The following ZCCHC10 variants were observed in gnomAD, a reference collection of about 807,000 sequenced individuals.
ZCCHC10 encodes the protein zinc finger CCHC-type containing 10, also known as zinc finger CCHC domain-containing protein 10.
In ZCCHC10, 16 loss-of-function variants were observed where a neutral mutation model predicts 19.5. The observed-to-expected ratio is 0.82, with a 90% CI of 0.56 to 1.25. ZCCHC10 has a LOEUF of 1.25. Ranked by LOEUF, ZCCHC10 falls within the 50% of genes most tolerant of loss-of-function variation. ZCCHC10 has a pLI of 0.00. For missense variants in ZCCHC10, 197 were observed against 201.0 expected, an observed-to-expected ratio of 0.98 and a Z score of 0.12; for synonymous variants, 67 against 72.5, an observed-to-expected ratio of 0.92 and a Z score of 0.38.
intron 3 of ZCCHC10, chr5:133,003,288 G>A (rs1415836208): frequency 4.4e-6 from 2 of 457,118 alleles, no homozygotes; most frequent in South Asian, 1.7e-5. Flanking sequence ...GAACAAACTG[G>A]GTCCCAATGA....
intron 2 of ZCCHC10, among the ~76,000 whole-genome samples, chr5:133,022,262 A>G (rs1300846312): frequency 6.6e-6 from 1 of 152,018 alleles, no homozygotes; most frequent in Non-Finnish European, 1.5e-5. Context: ...TTTGTAAAAA[A>G]CTAAGACACA....
chr5:133,026,173 C>A (rs1164438918), intron 1 of ZCCHC10, among the ~76,000 whole-genome samples: 2 of 152,176 alleles, frequency 1.3e-5, no homozygotes, highest in Non-Finnish European at 2.9e-5. Context: ...CTTCAGGGCT[C>A]CCCTGTCCAC....
chr5:132,998,329 T>C lies in ZCCHC10; in HGVS notation c.*254A>G, dbSNP rs1026173004. On this transcript the variant is annotated 3_prime_UTR_variant, in exon 5 of 5. Transcript: ENST00000509437. ...AGATAGTTTCATCACACAAACAGAT[T>C]TGCAGATTTCAGCTTTAAGTTCTAG... 3.1e-5 allele frequency: 11 copies of C among 352,020 alleles called. No homozygotes were observed. In the East Asian group the frequency reaches 4.0e-4, roughly 13 times the overall value. The allele number at this position is 352,020 out of a possible 1,614,324, so 21.8% of individuals were successfully genotyped here.
chr5:133,022,944 TG>T, intron 1 of ZCCHC10, 38 bp from the exon 2 acceptor site: 1 of 504,988 alleles, frequency 2.0e-6, no homozygotes, highest in Non-Finnish European at 3.5e-6. Flanking sequence ...AAGGTAAGTC[TG>T]ACACTTAAGT....
chr5:133,005,054 C>T (rs1763021306), intron 3 of ZCCHC10, among the ~76,000 whole-genome samples: 1 of 151,998 alleles, frequency 6.6e-6, no homozygotes, highest in Admixed American at 6.6e-5. Flanking sequence ...AATCCCAGCA[C>T]TTTGGGAGGC....
At chr5:133,023,504 G>T (rs1351995515) in intron 1 of ZCCHC10, among the ~76,000 whole-genome samples, 2 of 148,502 alleles carry the variant, frequency 1.3e-5, no homozygotes, top group East Asian at 3.9e-4. Flanking sequence ...GCCAGGTGCG[G>T]TGGCTCACAC....
chr5:133,021,889 G>C (rs981755432), intron 2 of ZCCHC10, among the ~76,000 whole-genome samples: 1 of 151,736 alleles, frequency 6.6e-6, no homozygotes, highest in African/African-American at 2.4e-5. Flanking sequence ...CGCCTCCCAG[G>C]TTATAGTGAT....
chr5:133,001,327 G>T (rs1436635894), intron 3 of ZCCHC10, among the ~76,000 whole-genome samples: 1 of 151,968 alleles, frequency 6.6e-6, no homozygotes, highest in African/African-American at 2.4e-5. Flanking sequence ...GGAGGCAGAG[G>T]TTGCAGTGAG....
Position 133,026,516 on chromosome 5 carries a change from G to C in ZCCHC10, c.22C>G (p.Leu8Val). The C allele has an allele frequency of 1.2e-6, 2 of 1,613,848 alleles. No homozygotes were observed. Among genetic ancestry groups the C allele is most frequent in the South Asian group, 1.1e-5 (1 of 90,980 alleles). MATPMHR[L>V]IARRQAFDTE... is the part of the protein sequence containing the mutation. Reference sequence around the variant, plus strand: ...ACTTACGCTTGTCTCCGGGCTATTAGCCGATGCATGGGAGTCGCCATCTTA... The same window carrying C: ...ACTTACGCTTGTCTCCGGGCTATTACCCGATGCATGGGAGTCGCCATCTTA... Residue 8 changes from leucine (L) to valine (V), a missense_variant, in exon 1 of 5, where the codon CTA (leucine) becomes GTA (valine). Coordinates refer to ENST00000509437, the MANE Select transcript of ZCCHC10 (RefSeq NM_001300816.3).
chr5:133,013,027 G>A (rs1294511157), intron 2 of ZCCHC10, among the ~76,000 whole-genome samples: 2 of 150,054 alleles, frequency 1.3e-5, no homozygotes, highest in African/African-American at 4.9e-5. Flanking sequence ...CTCCAGCCTG[G>A]GTGACAGAGG....
intron 2 of ZCCHC10, among the ~76,000 whole-genome samples, chr5:133,014,701 T>C (rs1054981636): frequency 6.6e-6 from 1 of 152,236 alleles, no homozygotes; most frequent in Non-Finnish European, 1.5e-5. Flanking sequence ...AGCCCACTCA[T>C]GTGGCTATTT....
chr5:133,001,358 T>C (rs1762758970), intron 3 of ZCCHC10, among the ~76,000 whole-genome samples: 1 of 151,826 alleles, frequency 6.6e-6, no homozygotes, highest in Admixed American at 6.6e-5. Flanking sequence ...ACCATTGCAC[T>C]CCAGTTTGGG....
At chr5:133,021,896 T>C (rs1406090373) in intron 2 of ZCCHC10, among the ~76,000 whole-genome samples, 2 of 151,664 alleles carry the variant, frequency 1.3e-5, no homozygotes, top group African/African-American at 4.8e-5. Context: ...CAGGTTATAG[T>C]GATTCTCCTG....
rs563831863 is a variant in ZCCHC10, at chr5:132,999,001, T to C, written c.312-151A>G. On this transcript the variant is annotated intron_variant, in intron 4 of 4. Transcript: ENST00000509437. ...CACAATCTCAGCTCACTGCAACCTC[T>C]GCCTCCCAGGTTCAAGAAATTCTCT... The C allele has an allele frequency of 2.8e-6, 3 of 1,059,504 alleles. No individual in the cohort carries two copies. In the East Asian group the frequency reaches 7.8e-5, roughly 28 times the overall value. The allele number at this position is 1,059,504 out of a possible 1,614,324, so 65.6% of individuals were successfully genotyped here.
chr5:133,001,324 G>C (rs1581373307), intron 3 of ZCCHC10, among the ~76,000 whole-genome samples: 1 of 152,024 alleles, frequency 6.6e-6, no homozygotes, highest in South Asian at 2.1e-4. Flanking sequence ...CTGGGAGGCA[G>C]AGGTTGCAGT....
At position 133,006,982 on chromosome 5, in the gene ZCCHC10, A is replaced by T. The variant is rs1038702341; in HGVS notation, c.108-62T>A. 4 of 1,435,080 alleles carry T rather than the reference A, an allele frequency of 2.8e-6. No individual in the cohort carries two copies. The Admixed American group carries it at 1.0e-4, about 37-fold the overall frequency. 88.9% of individuals were successfully genotyped at this position (1,435,080 alleles called of 1,614,324 possible). ...CTGTCTTGTGACTTTCACCCTAAAA[A>T]CTATAAAAAAATATAAAGGATAAAA... is the stretch of plus-strand genomic sequence containing the variant. On this transcript the variant is annotated intron_variant, in intron 2 of 4. Transcript: ENST00000509437.
chr5:132,998,991 C>T, intron 4 of ZCCHC10, 141 bp from the exon 5 acceptor site: 1 of 1,104,454 alleles, frequency 9.1e-7, no homozygotes, highest in Non-Finnish European at 1.3e-6. Flanking sequence ...TCTCAGCTCA[C>T]TGCAACCTCT....
intron 2 of ZCCHC10, among the ~76,000 whole-genome samples, chr5:133,013,639 T>G (rs914661315): frequency 1.3e-5 from 2 of 152,008 alleles, no homozygotes; most frequent in Admixed American, 6.6e-5. Flanking sequence ...GGAGAATCGC[T>G]TGAACCCAGG....
intron 1 of ZCCHC10, 53 bp from the exon 2 acceptor site, chr5:133,022,959 G>T: frequency 4.2e-6 from 2 of 479,124 alleles, no homozygotes; most frequent in South Asian, 3.5e-5. Flanking sequence ...CTTAAGTCCA[G>T]AAAATCAATA....
Sources: gnomAD v4.1 joint callset for allele counts (sites outside exome capture counted in the v4.1 genomes callset) on GRCh38, gnomAD v4.1.1 for gene constraint, MANE v1.5 for transcripts, NCBI Gene and HGNC (gene_info 2026-07-23, HGNC 2026-07-21) for gene names.